ZNF160: variants seen among roughly 807,000 people sequenced by gnomAD.
ZNF160 encodes the protein zinc finger protein 160.
Under a neutral mutation model 13.1 loss-of-function variants are expected in ZNF160, and 9 were observed. The observed-to-expected ratio is 0.69, with a 90% CI of 0.41 to 1.20. The LOEUF is 1.20. ZNF160 is among the 50% of genes most tolerant of loss of function. The pLI, the probability that ZNF160 is intolerant of heterozygous loss-of-function variation, is 0.01. For missense variants in ZNF160, 838 were observed against 988.0 expected, an observed-to-expected ratio of 0.85 and a Z score of 2.04; for synonymous variants, 293 against 333.2, an observed-to-expected ratio of 0.88 and a Z score of 1.31.
At chr19:53,073,019 T>G (rs1395792729) in intron 5 of ZNF160, 4 of 565,120 alleles carry the variant, frequency 7.1e-6, no homozygotes, top group Non-Finnish European at 9.3e-6. Context: ...TATTCTGTTA[T>G]AGGTATACAA....
At chr19:53,078,799 CA>C (rs11286009) in intron 3 of ZNF160, among the ~76,000 whole-genome samples, 29,185 of 141,106 alleles carry the variant, frequency 0.21, 2,877 homozygotes, top group African/African-American at 0.24. Context: ...GAGCAGCAAT[CA>C]AAAAAAAAAA....
At position 53,069,347 on chromosome 19, in the gene ZNF160, G is replaced by A; in HGVS notation, c.1187C>T (p.Pro396Leu). 1.2e-6 allele frequency: 2 copies of A among 1,613,992 alleles called. No individual in the cohort carries two copies. Among genetic ancestry groups the A allele is most frequent in the Non-Finnish European group, 1.7e-6 (2 of 1,179,874 alleles). Reference protein sequence around the residue: ...SHWRIHTGEKPYKCNECGKAF... With the variant: ...SHWRIHTGEKLYKCNECGKAF... ...TTTGCCGCACTCATTGCACTTGTAA[G>A]GTTTCTCTCCAGTGTGAATTCTCCA... is the stretch of plus-strand genomic sequence containing the variant. Residue 396 changes from proline (P) to leucine (L), a missense_variant, in exon 6 of 6, where the codon CCT becomes CTT. Physicochemically the swap from Pro to Leu is moderately conservative, Grantham distance 98. Around this residue, in one of 3 missense-constraint regions of ZNF160, gnomAD observed 400 missense variants for 538.9 expected, o/e 0.74. Transcript: ENST00000683776. The surrounding 1 kb of genome is among the most constrained non-coding windows in gnomAD (Gnocchi z 4.4).
At chr19:53,088,792 C>T (rs2084934948) in intron 2 of ZNF160, among the ~76,000 whole-genome samples, 1 of 152,082 alleles carries the variant, frequency 6.6e-6, no homozygotes, top group African/African-American at 2.4e-5. Context: ...ACAATGACAG[C>T]TTCTCCAGCA....
At chr19:53,092,736 T>C (rs911534009) in intron 1 of ZNF160, among the ~76,000 whole-genome samples, 12 of 152,240 alleles carry the variant, frequency 7.9e-5, no homozygotes, top group Non-Finnish European at 1.3e-4. Flanking sequence ...CTTTGAAGTA[T>C]GTTTGCCTCT....
At chr19:53,101,605 T>C (rs2085449691) in intron 1 of ZNF160, among the ~76,000 whole-genome samples, 1 of 152,128 alleles carries the variant, frequency 6.6e-6, no homozygotes, top group South Asian at 2.1e-4. Flanking sequence ...AAGCTTCATC[T>C]CAACCTTCAG....
intron 5 of ZNF160, among the ~76,000 whole-genome samples, chr19:53,070,803 C>T (rs1236490737): frequency 1.3e-5 from 2 of 152,224 alleles, no homozygotes; most frequent in Middle Eastern, 3.4e-3. Flanking sequence ...GCCTGTAATC[C>T]CAATGCTTTG....
intron 1 of ZNF160, among the ~76,000 whole-genome samples, chr19:53,100,251 A>T (rs1049195628): frequency 2.6e-5 from 4 of 152,192 alleles, no homozygotes; most frequent in African/African-American, 4.8e-5. Context: ...CTTGAGGGGG[A>T]CATCTGCTTA....
chr19:53,071,560 G>T (rs916172696), intron 5 of ZNF160, among the ~76,000 whole-genome samples: 2 of 124,180 alleles, frequency 1.6e-5, no homozygotes, highest in African/African-American at 3.0e-5. Flanking sequence ...AAAAAAAAAA[G>T]GCTGAGGCAT....
Position 53,068,600 on chromosome 19 carries a change from C to G in ZNF160, c.1934G>C (p.Gly645Ala), listed in dbSNP as rs767974287. The change falls in exon 6 of 6, where the codon GGA becomes GCA. Residue 645 changes from glycine (G) to alanine (A), a missense_variant. Transcript: ENST00000683776. ...CTCATTACACTTGTAAGGTTTCTCTCCAGTATGAATTCGCCGATGAGTTGC... is the reference window on the plus strand; with the variant it reads ...CTCATTACACTTGTAAGGTTTCTCTGCAGTATGAATTCGCCGATGAGTTGC... The part of the protein sequence containing the change: ...YLATHRRIHT[G>A]EKPYKCNECG... 2.0e-5 allele frequency: 33 copies of G among 1,613,946 alleles called. No homozygotes were observed. Among genetic ancestry groups the G allele is most frequent in the Non-Finnish European group, 2.8e-5 (33 of 1,180,012 alleles).
At chr19:53,079,547 T>C (rs1340242369) in intron 3 of ZNF160, among the ~76,000 whole-genome samples, 4 of 30,204 alleles carry the variant, frequency 1.3e-4, no homozygotes, top group African/African-American at 8.0e-4. Context: ...CAAAACTCCA[T>C]CTAAAAAAAA....
intron 5 of ZNF160, among the ~76,000 whole-genome samples, chr19:53,072,096 T>C (rs912609853): frequency 6.9e-6 from 1 of 144,530 alleles, no homozygotes; most frequent in East Asian, 1.9e-4. Flanking sequence ...CAGTTATATT[T>C]CTTTCTTTCT....
At position 53,080,318 on chromosome 19, in the gene ZNF160, T is replaced by C. The variant is rs553485313; in HGVS notation, c.16-5135A>G. Among the ~76,000 whole-genome samples, 2 of 152,244 alleles carry C rather than the reference T, an allele frequency of 1.3e-5. 1 individual carries two copies. The highest frequency in any genetic ancestry group is 4.8e-5 in the African/African-American group (2 of 41,550). On this transcript the variant is annotated intron_variant, in intron 3 of 5. Coordinates refer to ENST00000683776, the MANE Select transcript of ZNF160 (RefSeq NM_001322131.2). ...TTCTCCATGTTGGTCAGGCTGGTCTTGAACTCCCGACCTCAGGTGATCCGC... is the reference window on the plus strand; with the variant it reads ...TTCTCCATGTTGGTCAGGCTGGTCTCGAACTCCCGACCTCAGGTGATCCGC...
Position 53,068,242 on chromosome 19 carries a change from T to G in ZNF160, c.2292A>C (p.Thr764=), listed in dbSNP as rs2084028310. ...IHTGEKPYRC[T]ECGKAFRVRS... is the part of the protein sequence containing the mutation. The stretch of plus-strand genomic sequence containing the variant: ...TTACCCTAAAGGCTTTCCCACACTC[T>G]GTACACCTGTAAGGTTTCTCCCCAG... Residue 764 remains threonine, a synonymous_variant, in exon 6 of 6, where the codon ACA becomes ACC. Transcript: ENST00000683776. The G allele has an allele frequency of 6.2e-7, 1 of 1,613,212 alleles. No individual in the cohort carries two copies. Among genetic ancestry groups the G allele is most frequent in the African/African-American group, 1.3e-5 (1 of 74,652 alleles).
At position 53,068,424 on chromosome 19, in the gene ZNF160, G is replaced by C. The variant is rs762274825; in HGVS notation, c.2110C>G (p.Pro704Ala). The C allele has an allele frequency of 4.2e-5, 67 of 1,614,014 alleles. No individual in the cohort carries two copies. Among genetic ancestry groups the C allele is most frequent in the Non-Finnish European group, 5.5e-5 (65 of 1,179,986 alleles). ...NHQRTHTGEK[P>A]YRCNECGKAF... The stretch of plus-strand genomic sequence containing the variant: ...TTCCCACACTCATTGCATCGGTAAG[G>C]TTTCTCTCCGGTGTGAGTCCTTTGA... Residue 704 changes from proline to alanine, a missense_variant, in exon 6 of 6, where the codon CCT (proline) becomes GCT (alanine). Around this residue, in one of 3 missense-constraint regions of ZNF160, gnomAD observed 400 missense variants for 538.9 expected, o/e 0.74. Coordinates refer to ENST00000683776, the MANE Select transcript of ZNF160 (RefSeq NM_001322131.2).
At position 53,068,483 on chromosome 19, in the gene ZNF160, T is replaced by C. The variant is rs143174574; in HGVS notation, c.2051A>G (p.Lys684Arg). 3.2e-5 allele frequency: 51 copies of C among 1,613,836 alleles called. No individual in the cohort carries two copies. The highest frequency in any genetic ancestry group is 4.1e-5 in the Non-Finnish European group (48 of 1,179,792). Reference protein sequence around the residue: ...EKPYKCNQCGKVFTQNSHLAN... With the variant: ...EKPYKCNQCGRVFTQNSHLAN... Reference sequence around the variant, plus strand: ...AAGGTGTGAGTTCTGAGTGAAGACCTTGCCACATTGATTACATTTGTAAGG... The same window carrying C: ...AAGGTGTGAGTTCTGAGTGAAGACCCTGCCACATTGATTACATTTGTAAGG... Residue 684 changes from lysine (K) to arginine (R), a missense_variant, in exon 6 of 6, where the codon AAG (lysine) becomes AGG (arginine). By Grantham distance (26) the Lys-to-Arg change is conservative. This residue lies in a region of ZNF160 where 400 missense variants were observed against 538.9 expected (regional missense o/e 0.74). Transcript: ENST00000683776.
chr19:53,084,380 C>T (rs1342118215), intron 3 of ZNF160, among the ~76,000 whole-genome samples: 1 of 152,214 alleles, frequency 6.6e-6, no homozygotes, highest in African/African-American at 2.4e-5. Context: ...TTCCCCTAAG[C>T]TAGCTTTGGA....
At chr19:53,089,526 C>T (rs1415035570) in intron 2 of ZNF160, among the ~76,000 whole-genome samples, 1 of 152,062 alleles carries the variant, frequency 6.6e-6, no homozygotes, top group African/African-American at 2.4e-5. Flanking sequence ...ATGAATGAGT[C>T]AAGTCACTGC....
At chr19:53,088,281 T>C (rs900507197) in intron 2 of ZNF160, among the ~76,000 whole-genome samples, 2 of 152,164 alleles carry the variant, frequency 1.3e-5, no homozygotes, top group African/African-American at 2.4e-5. Flanking sequence ...TTACGGCATT[T>C]AGGAATTGGG....
At chr19:53,072,647 T>A (rs1326663539) in intron 5 of ZNF160, among the ~76,000 whole-genome samples, 1 of 151,662 alleles carries the variant, frequency 6.6e-6, no homozygotes, top group South Asian at 2.1e-4. Context: ...AAGTCGAGAG[T>A]TCGAGACCAG....
Sources: allele counts gnomAD v4.1 joint callset (sites outside exome capture counted in the v4.1 genomes callset), GRCh38; gene constraint gnomAD v4.1.1; regional missense constraint gnomAD v4.1.1; non-coding constraint Gnocchi (gnomAD v3.1); transcripts MANE v1.5; gene names NCBI Gene and HGNC (gene_info 2026-07-23, HGNC 2026-07-21).